The following MGAT4C variants were observed in gnomAD, a reference collection of about 807,000 sequenced individuals.
MGAT4C encodes the protein alpha-1,3-mannosyl-glycoprotein 4-beta-N-acetylglucosaminyltransferase C.
A neutral mutation model predicts 40.1 loss-of-function variants in MGAT4C; 19 were observed. The ratio of observed to expected loss-of-function variants is 0.47; its 90% CI spans 0.33 to 0.70. MGAT4C has a LOEUF of 0.70. Among genes scored for constraint, MGAT4C ranks in the 30% least tolerant of loss-of-function variants. MGAT4C has a pLI of 0.02. For missense variants in MGAT4C, 491 were observed against 563.2 expected (o/e 0.87, Z 1.30); for synonymous variants, 181 against 187.1 (o/e 0.97, Z 0.27).
At position 86,036,480 on chromosome 12, in the gene MGAT4C, C is replaced by T. The variant is rs1426900161; in HGVS notation, c.-7+13194G>A. The stretch of plus-strand genomic sequence containing the variant: ...ATTTTGAGATACATTCCATCAATAC[C>T]TAGTTTATTGGGAGTTTTCAGCATG... On this transcript the variant is annotated intron_variant, in intron 2 of 4. Coordinates refer to ENST00000611864, the MANE Select transcript of MGAT4C (RefSeq NM_001351288.2). Among the ~76,000 whole-genome samples, 2 of 149,882 alleles carry T rather than the reference C, an allele frequency of 1.3e-5. 1 individual carries two copies. Among genetic ancestry groups the T allele is most frequent in the Non-Finnish European group, 3.0e-5 (2 of 66,790 alleles).
intron 3 of MGAT4C, among the ~76,000 whole-genome samples, chr12:86,370,755 G>T (rs557248441): frequency 5.3e-4 from 80 of 151,952 alleles, no homozygotes; most frequent in South Asian, 1.7e-3. Context: ...ATCCCCAAAA[G>T]TTCAATATGT....
At chr12:86,631,609 C>T (rs1963047010) in intron 2 of MGAT4C, among the ~76,000 whole-genome samples, 1 of 152,040 alleles carries the variant, frequency 6.6e-6, no homozygotes, top group Admixed American at 6.5e-5. Flanking sequence ...CACACTTCTA[C>T]AACCATCTGA....
intron 3 of MGAT4C, among the ~76,000 whole-genome samples, chr12:86,355,827 A>G (rs1955296864): frequency 6.6e-6 from 1 of 152,208 alleles, no homozygotes; most frequent in Non-Finnish European, 1.5e-5. Flanking sequence ...TAAAAACAAC[A>G]GTAATGACAA....
chr12:86,065,547 A>T (rs934070936), intron 1 of MGAT4C, among the ~76,000 whole-genome samples: 1 of 152,194 alleles, frequency 6.6e-6, no homozygotes, highest in African/African-American at 2.4e-5. Context: ...CTAGGTATTG[A>T]TGGAACGTAT....
intron 1 of MGAT4C, among the ~76,000 whole-genome samples, chr12:86,796,653 GA>G (rs778222414): frequency 2.0e-4 from 30 of 151,972 alleles, no homozygotes; most frequent in Admixed American, 4.6e-4. Flanking sequence ...TAGCATTCTT[GA>G]AAAATGTTAA....
chr12:86,484,036 T>A (rs1957978787), intron 2 of MGAT4C, among the ~76,000 whole-genome samples: 1 of 151,896 alleles, frequency 6.6e-6, no homozygotes, highest in South Asian at 2.1e-4. Context: ...CCAGTCCAGA[T>A]CAGCTTCTAG....
intron 2 of MGAT4C, among the ~76,000 whole-genome samples, chr12:86,019,226 T>C (rs1410760290): frequency 2.0e-5 from 3 of 152,128 alleles, no homozygotes; most frequent in African/African-American, 4.8e-5. Context: ...CAAAGGGCTA[T>C]AAAATATACT....
chr12:86,366,607 A>G (rs564782075), intron 3 of MGAT4C, among the ~76,000 whole-genome samples: 1 of 152,282 alleles, frequency 6.6e-6, no homozygotes, highest in Admixed American at 6.5e-5. Context: ...TTGAAAAAGT[A>G]CTTATTGCAT....
chr12:86,618,334 T>A (rs1962525250), intron 2 of MGAT4C, among the ~76,000 whole-genome samples: 1 of 152,172 alleles, frequency 6.6e-6, no homozygotes, highest in African/African-American at 2.4e-5. Flanking sequence ...GGGTATTTTA[T>A]CCAAAGGAAA....
intron 1 of MGAT4C, among the ~76,000 whole-genome samples, chr12:86,228,636 G>T (rs10776953): frequency 0.79 from 119,082 of 151,374 alleles, 47,310 homozygotes; most frequent in East Asian, 0.95. Flanking sequence ...ATTTTCTATG[G>T]AAGAGAAATA....
chr12:86,379,134 A>G (rs1426595747), intron 3 of MGAT4C, among the ~76,000 whole-genome samples: 2 of 152,112 alleles, frequency 1.3e-5, no homozygotes, highest in Non-Finnish European at 2.9e-5. Flanking sequence ...TTTATTTTTA[A>G]AATATTGGTA....
At chr12:86,596,937 A>G (rs1215320120) in intron 2 of MGAT4C, among the ~76,000 whole-genome samples, 2 of 152,232 alleles carry the variant, frequency 1.3e-5, no homozygotes, top group African/African-American at 4.8e-5. Context: ...ATGGAAAGTC[A>G]TACAAACTTC....
chr12:86,774,343 C>A (rs1565981659), intron 1 of MGAT4C, among the ~76,000 whole-genome samples: 9 of 54,562 alleles, frequency 1.6e-4, no homozygotes, highest in African/African-American at 4.9e-4. Context: ...TTCTTTCTGT[C>A]TCTCTCTCTC....
intron 1 of MGAT4C, among the ~76,000 whole-genome samples, chr12:86,075,178 C>G (rs1336913642): frequency 6.6e-6 from 1 of 152,106 alleles, no homozygotes; most frequent in Non-Finnish European, 1.5e-5. Flanking sequence ...AATGGGGGTA[C>G]AGTATTGGGT....
intron 2 of MGAT4C, among the ~76,000 whole-genome samples, chr12:86,660,432 C>T (rs1321278423): frequency 6.6e-6 from 1 of 152,046 alleles, no homozygotes; most frequent in African/African-American, 2.4e-5. Flanking sequence ...ACATTTAATT[C>T]AATACATCAA....
chr12:86,141,574 C>G (rs1316279422), intron 1 of MGAT4C, among the ~76,000 whole-genome samples: 1 of 152,060 alleles, frequency 6.6e-6, no homozygotes, highest in Admixed American at 6.6e-5. Context: ...TATGGGCCAG[C>G]TTTAAACTGA....
At chr12:86,807,512 A>T (rs1403566684) in intron 1 of MGAT4C, among the ~76,000 whole-genome samples, 1 of 151,808 alleles carries the variant, frequency 6.6e-6, no homozygotes, top group Non-Finnish European at 1.5e-5. Flanking sequence ...CATTTTTTTT[A>T]TCCAGTCTAT....
At chr12:86,807,792 G>A (rs1471903918) in intron 1 of MGAT4C, among the ~76,000 whole-genome samples, 2 of 151,956 alleles carry the variant, frequency 1.3e-5, no homozygotes, top group Non-Finnish European at 2.9e-5. Context: ...AGCATCTGTT[G>A]TTTCTTGACT....
At chr12:86,743,726 T>G (rs1334924682) in intron 1 of MGAT4C, among the ~76,000 whole-genome samples, 1 of 151,688 alleles carries the variant, frequency 6.6e-6, no homozygotes, top group Non-Finnish European at 1.5e-5. Context: ...CCCAGATACC[T>G]CTTTGGTCTT....
Sources: allele counts gnomAD v4.1 joint callset (sites outside exome capture counted in the v4.1 genomes callset), GRCh38; gene constraint gnomAD v4.1.1; transcripts MANE v1.5; gene names NCBI Gene and HGNC (gene_info 2026-07-23, HGNC 2026-07-21).